Variants in PLCL2 observed in about 807,000 individuals in gnomAD.
PLCL2 encodes inactive phospholipase C-like protein 2.
A neutral mutation model predicts 79.6 loss-of-function variants in PLCL2; 4 were observed. The ratio of observed to expected loss-of-function variants is 0.05; its 90% CI spans 0.02 to 0.11. The LOEUF is 0.11. PLCL2 is among the 10% of genes least tolerant of loss of function. The probability of loss-of-function intolerance (pLI) is 1.00; values close to 1 mark genes in which losing one functional copy is unlikely to be tolerated. For synonymous variants in PLCL2, 484 were observed against 457.7 expected, an observed-to-expected ratio of 1.06 and a Z score of -0.73; for missense variants, 895 against 1,291.0, an observed-to-expected ratio of 0.69 and a Z score of 4.70.
intron 4 of PLCL2, among the ~76,000 whole-genome samples, chr3:17,065,139 C>T (rs1203841287): frequency 1.3e-5 from 2 of 151,992 alleles, no homozygotes; most frequent in African/African-American, 4.8e-5. Context: ...TTTTGCATGT[C>T]CCTGTGAACT....
chr3:17,010,551 T>C lies in PLCL2; in HGVS notation c.1205T>C (p.Ile402Thr). 2 of 1,614,152 alleles carry C rather than the reference T, an allele frequency of 1.2e-6. No individual in the cohort carries two copies. Among genetic ancestry groups the C allele is most frequent in the East Asian group, 2.2e-5 (1 of 44,878 alleles). The change falls in exon 2 of 6, where the codon ATA (isoleucine) becomes ACA (threonine). Residue 402 changes from isoleucine to threonine, a missense_variant. Ile to Thr is a moderately conservative substitution (Grantham distance 89). Coordinates refer to ENST00000615277, the MANE Select transcript of PLCL2 (RefSeq NM_001144382.2). This position sits in a 1 kb window ranked among gnomAD's most constrained non-coding sequence, Gnocchi z 5.8. ...KEGQEKGWLSIDGFTNYLMSP... is the reference protein window; with the variant it reads ...KEGQEKGWLSTDGFTNYLMSP... ...GGTCAGGAAAAGGGCTGGCTCTCCA[T>C]AGACGGGTTCACTAATTACCTTATG...
In PLCL2 at chr3:17,090,507, T is replaced by A. The variant is rs1306291280; in HGVS notation, c.*595T>A. The A allele has an allele frequency of 6.5e-6, 1 of 152,908 alleles. No individual in the cohort carries two copies. The highest frequency in any genetic ancestry group is 6.5e-5 in the Admixed American group (1 of 15,288). 9.5% of individuals were successfully genotyped at this position (152,908 alleles called of 1,614,324 possible). Reference sequence around the variant, plus strand: ...CGAGTCAGCACATGGGTAGAGATGATGTAAAAGCAGCCAATCTGGAAACAA... The same window carrying A: ...CGAGTCAGCACATGGGTAGAGATGAAGTAAAAGCAGCCAATCTGGAAACAA... On this transcript the variant is annotated 3_prime_UTR_variant, in exon 6 of 6. Transcript: ENST00000615277.
rs1263935296 is a variant in PLCL2 at position 16,886,390 on chromosome 3, G to T, written c.327+1024G>T. ...CCACCCTTCCTGTGGCTGATAACTG[G>T]TGGGAGGGCAGAACGTGCCACAGTA... On this transcript the variant is annotated intron_variant, in intron 1 of 5. Transcript: ENST00000615277. The surrounding 1 kb of genome is among the most constrained non-coding windows in gnomAD (Gnocchi z 4.2). Among the ~76,000 whole-genome samples, 1 of 152,220 alleles carries T rather than the reference G, an allele frequency of 6.6e-6. No individual in the cohort carries two copies. The highest frequency in any genetic ancestry group is 1.9e-4 in the East Asian group (1 of 5,198).
intron 5 of PLCL2, among the ~76,000 whole-genome samples, chr3:17,083,959 C>T (rs976814422): frequency 6.6e-6 from 1 of 152,114 alleles, no homozygotes; most frequent in Non-Finnish European, 1.5e-5. Flanking sequence ...ACATCAATGA[C>T]ATTAAAAACA....
At chr3:17,066,376 C>T (rs1397568125) in intron 4 of PLCL2, among the ~76,000 whole-genome samples, 4 of 152,114 alleles carry the variant, frequency 2.6e-5, no homozygotes, top group Non-Finnish European at 4.4e-5. Flanking sequence ...AGTAAAAAGC[C>T]TAAATTGGCC....
At chr3:17,050,319 T>C (rs1219583523) in intron 4 of PLCL2, among the ~76,000 whole-genome samples, 1 of 151,890 alleles carries the variant, frequency 6.6e-6, no homozygotes, top group Non-Finnish European at 1.5e-5. Context: ...AATGAACAAA[T>C]GGGATCACAT....
chr3:16,898,209 A>G (rs1179373732), intron 1 of PLCL2, among the ~76,000 whole-genome samples: 6 of 152,198 alleles, frequency 3.9e-5, no homozygotes, highest in African/African-American at 1.4e-4. Context: ...TTGTTAACAC[A>G]TATACCTTTG....
intron 1 of PLCL2, among the ~76,000 whole-genome samples, chr3:16,957,460 A>G (rs1003310326): frequency 6.6e-6 from 1 of 152,088 alleles, no homozygotes; most frequent in Non-Finnish European, 1.5e-5. Context: ...TATGTGGTCA[A>G]TTTTGGAATA....
At chr3:17,018,505 C>T (rs139343612) in intron 3 of PLCL2, among the ~76,000 whole-genome samples, 2 of 152,236 alleles carry the variant, frequency 1.3e-5, no homozygotes, top group African/African-American at 4.8e-5. Flanking sequence ...ATGGAAGTGA[C>T]CCTTGAGTCC....
At chr3:17,060,523 A>G (rs1232861272) in intron 4 of PLCL2, among the ~76,000 whole-genome samples, 1 of 152,136 alleles carries the variant, frequency 6.6e-6, no homozygotes, top group Non-Finnish European at 1.5e-5. Flanking sequence ...TAGGATGTAA[A>G]CACCCACAGG....
At chr3:17,050,382 T>C (rs987270359) in intron 4 of PLCL2, among the ~76,000 whole-genome samples, 1 of 151,748 alleles carries the variant, frequency 6.6e-6, no homozygotes, top group African/African-American at 2.4e-5. Context: ...AATGGAGAAA[T>C]AACACACTGA....
intron 1 of PLCL2, among the ~76,000 whole-genome samples, chr3:16,943,562 G>C (rs1223359843): frequency 1.3e-5 from 2 of 152,170 alleles, no homozygotes; most frequent in African/African-American, 4.8e-5. Flanking sequence ...GCTTATAAAA[G>C]AAAGTGAAAA....
chr3:17,059,318 G>T (rs1424194729), intron 4 of PLCL2, among the ~76,000 whole-genome samples: 1 of 150,564 alleles, frequency 6.6e-6, no homozygotes, highest in African/African-American at 2.4e-5. Flanking sequence ...GGCAGAGGTT[G>T]CAGTGAGCCG....
chr3:16,934,185 A>G (rs1175094342), intron 1 of PLCL2, among the ~76,000 whole-genome samples: 1 of 152,204 alleles, frequency 6.6e-6, no homozygotes, highest in Non-Finnish European at 1.5e-5. Context: ...GACCCGAGAC[A>G]CCTGTAAACT....
intron 1 of PLCL2, among the ~76,000 whole-genome samples, chr3:16,903,838 A>G (rs1696685846): frequency 1.3e-5 from 2 of 152,204 alleles, no homozygotes; most frequent in Non-Finnish European, 2.9e-5. Flanking sequence ...TACACACTCA[A>G]GGTTGCTGAC....
intron 1 of PLCL2, among the ~76,000 whole-genome samples, chr3:16,891,585 G>A (rs926727411): frequency 6.6e-6 from 1 of 152,164 alleles, no homozygotes; most frequent in Non-Finnish European, 1.5e-5. Context: ...CCCCAACTAT[G>A]GGATCAAAGG....
At chr3:17,007,172 G>A (rs1017736601) in intron 1 of PLCL2, among the ~76,000 whole-genome samples, 12 of 152,036 alleles carry the variant, frequency 7.9e-5, no homozygotes, top group Non-Finnish European at 1.2e-4. Flanking sequence ...TAAAGACATC[G>A]GTCAGGCGTG....
rs1011077115 is a variant in PLCL2, at chr3:17,011,599, C to T, written c.2253C>T (p.Val751=). The T allele has an allele frequency of 1.2e-6, 2 of 1,614,120 alleles. No homozygotes were observed. The highest frequency in any genetic ancestry group is 2.7e-5 in the African/African-American group (2 of 75,040). The part of the protein sequence containing the change: ...SANTKDSVPG[V]SPQLLHIKII... ...ATACAAAAGACTCTGTCCCAGGGGT[C>T]TCACCTCAACTTCTTCACATTAAAA... The change falls in exon 2 of 6, where the codon GTC becomes GTT. Residue 751 remains valine (V), a synonymous_variant. Transcript: ENST00000615277. The surrounding 1 kb of genome is among the most constrained non-coding windows in gnomAD (Gnocchi z 7.9).
chr3:16,885,516 G>A lies in PLCL2; in HGVS notation c.327+150G>A, dbSNP rs563502572. The A allele has an allele frequency of 1.3e-4, 62 of 485,326 alleles. 1 individual carries two copies. In the East Asian group the frequency reaches 2.0e-3, roughly 16 times the overall value. 30.1% of individuals were successfully genotyped at this position (485,326 alleles called of 1,614,324 possible). On this transcript the variant is annotated intron_variant, in intron 1 of 5. Transcript: ENST00000615277. ...TGGGGTGGTTGAGCGGGGATTGGAT[G>A]CAAATGGCATGTGGAAAGAATGGAG...
Sources: gnomAD v4.1 joint callset for allele counts (sites outside exome capture counted in the v4.1 genomes callset) on GRCh38, gnomAD v4.1.1 for gene constraint, Gnocchi (gnomAD v3.1) non-coding constraint, MANE v1.5 for transcripts, NCBI Gene and HGNC (gene_info 2026-07-23, HGNC 2026-07-21) for gene names.